The following GARRE1 variants were observed in gnomAD, a reference collection of about 807,000 sequenced individuals.
GARRE1 encodes the protein granule associated Rac and RHOG effector protein 1.
Under a neutral mutation model 103.2 loss-of-function variants are expected in GARRE1, and 49 were observed. The ratio of observed to expected loss-of-function variants is 0.47; its 90% CI spans 0.38 to 0.60. GARRE1 has a LOEUF of 0.60. Ranked by LOEUF, GARRE1 falls within the 20% of genes least tolerant of loss-of-function variation. The pLI, the probability that GARRE1 is intolerant of heterozygous loss-of-function variation, is 0.00. For missense variants in GARRE1, 1,199 were observed against 1,370.5 expected, an observed-to-expected ratio of 0.87 and a Z score of 1.98; for synonymous variants, 505 against 532.8, an observed-to-expected ratio of 0.95 and a Z score of 0.72.
intron 1 of GARRE1, among the ~76,000 whole-genome samples, chr19:34,291,152 C>T (rs979548246): frequency 1.2e-4 from 18 of 151,984 alleles, no homozygotes; most frequent in Non-Finnish European, 1.5e-5. Context: ...AGGTGATCCA[C>T]CCACCTCAGC....
intron 10 of GARRE1, among the ~76,000 whole-genome samples, chr19:34,344,569 C>A (rs1369993704): frequency 1.4e-5 from 2 of 140,476 alleles, no homozygotes; most frequent in Non-Finnish European, 3.1e-5. Flanking sequence ...CCAGCCTGGG[C>A]GACAGAGCGA....
intron 2 of GARRE1, among the ~76,000 whole-genome samples, chr19:34,307,399 C>T (rs1389814959): frequency 2.0e-5 from 3 of 151,932 alleles, no homozygotes; most frequent in Non-Finnish European, 2.9e-5. Context: ...CCAGGGCAGC[C>T]ATGGGGCTCC....
chr19:34,293,528 T>TG (rs2073929353), intron 1 of GARRE1, among the ~76,000 whole-genome samples: 1 of 151,678 alleles, frequency 6.6e-6, no homozygotes, highest in Non-Finnish European at 1.5e-5. Flanking sequence ...CCCGAGTAGC[T>TG]GGGACCACAG....
intron 3 of GARRE1, 140 bp from the exon 4 acceptor site, chr19:34,327,281 A>G (rs772865861): frequency 5.6e-5 from 42 of 755,164 alleles, no homozygotes; most frequent in Non-Finnish European, 8.3e-5. Context: ...CAAACAATCT[A>G]GAACTTCTAG....
chr19:34,291,440 T>C (rs1463206521), intron 1 of GARRE1, among the ~76,000 whole-genome samples: 1 of 152,218 alleles, frequency 6.6e-6, no homozygotes, highest in Non-Finnish European at 1.5e-5. Context: ...ATTAGTTTTA[T>C]TGAGATATAA....
chr19:34,314,331 AAC>A (rs1300116744), intron 2 of GARRE1, among the ~76,000 whole-genome samples: 2 of 152,212 alleles, frequency 1.3e-5, no homozygotes, highest in Non-Finnish European at 2.9e-5. Flanking sequence ...GCAAACTATA[AAC>A]ACACAATCTA....
At chr19:34,320,138 T>C in intron 3 of GARRE1, 22 bp downstream of exon 3, 1 of 1,604,680 alleles carries the variant, frequency 6.2e-7, no homozygotes, top group Non-Finnish European at 8.5e-7. Flanking sequence ...TTTGGGGAGA[T>C]TGGTGCCTGT....
At chr19:34,326,447 C>T (rs986215486) in intron 3 of GARRE1, among the ~76,000 whole-genome samples, 5 of 152,176 alleles carry the variant, frequency 3.3e-5, no homozygotes, top group African/African-American at 9.7e-5. Flanking sequence ...TCTTCTTGTC[C>T]TGATCCATGT....
In GARRE1 at chr19:34,328,220, G is replaced by T; in HGVS notation, c.1104+69G>T. Reference sequence around the variant, plus strand: ...ATAGAGTTCTTAAGAGAAATGTAAAGGCTTGCGAAGGATGTAGATTAAAAA... The same window carrying T: ...ATAGAGTTCTTAAGAGAAATGTAAATGCTTGCGAAGGATGTAGATTAAAAA... On this transcript the variant is annotated intron_variant, in intron 6 of 13. Transcript: ENST00000299505. 2.0e-6 allele frequency: 3 copies of T among 1,534,868 alleles called. No individual in the cohort carries two copies. In the South Asian group the frequency reaches 3.5e-5, roughly 18 times the overall value.
At chr19:34,291,243 C>G (rs1198836654) in intron 1 of GARRE1, among the ~76,000 whole-genome samples, 1 of 151,994 alleles carries the variant, frequency 6.6e-6, no homozygotes, top group East Asian at 1.9e-4. Flanking sequence ...AGTAGCAAAA[C>G]TGTAAGTCAA....
chr19:34,297,995 A>G (rs981431605), intron 1 of GARRE1, among the ~76,000 whole-genome samples: 1 of 152,208 alleles, frequency 6.6e-6, no homozygotes, highest in African/African-American at 2.4e-5. Context: ...TAGAAATACA[A>G]AGGAATTATG....
At chr19:34,317,457 A>G (rs537504970) in intron 2 of GARRE1, among the ~76,000 whole-genome samples, 2 of 152,258 alleles carry the variant, frequency 1.3e-5, no homozygotes, top group East Asian at 3.9e-4. Flanking sequence ...CATAGCTGCC[A>G]AGGTGCTGAG....
intron 2 of GARRE1, 32 bp from the exon 3 acceptor site, chr19:34,319,875 C>T (rs779735563): frequency 2.6e-5 from 42 of 1,601,150 alleles, no homozygotes; most frequent in African/African-American, 4.0e-5. Flanking sequence ...CAACCCACAA[C>T]CTAAACATCC....
chr19:34,306,547 T>A (rs1275899195), intron 2 of GARRE1, among the ~76,000 whole-genome samples: 2 of 152,192 alleles, frequency 1.3e-5, no homozygotes. Context: ...TACTCACCAG[T>A]GACTTTGCCC....
intron 1 of GARRE1, chr19:34,296,415 G>A: frequency 6.4e-7 from 1 of 1,573,736 alleles, no homozygotes; most frequent in East Asian, 2.2e-5. Flanking sequence ...GGCAGTGCGG[G>A]CACGAGCACA....
chr19:34,274,026 C>T (rs897081462), intron 1 of GARRE1, among the ~76,000 whole-genome samples: 1 of 151,920 alleles, frequency 6.6e-6, no homozygotes, highest in Non-Finnish European at 1.5e-5. Context: ...ACTCAGGAGG[C>T]GCCTCCATAA....
intron 1 of GARRE1, among the ~76,000 whole-genome samples, chr19:34,268,308 G>C (rs1020528282): frequency 1.3e-5 from 2 of 152,142 alleles, no homozygotes; most frequent in African/African-American, 4.8e-5. Flanking sequence ...TCATCCTTTG[G>C]TGATAGGTGG....
In GARRE1 at chr19:34,300,918, G is replaced by A. The variant is rs2073975696; in HGVS notation, c.445G>A (p.Gly149Arg). The A allele has an allele frequency of 6.2e-7, 1 of 1,606,576 alleles. No homozygotes were observed. ...IAKMLMELSA[G>R]AANFTDQKEF... ...CAAGATGCTAATGGAACTTAGTGCT[G>A]GGGCTGCAAATTTTACGGATCAGAA... Residue 149 changes from glycine to arginine, a missense_variant, in exon 2 of 14, where the codon GGG becomes AGG. By Grantham distance (125) the Gly-to-Arg change is moderately radical. Coordinates refer to ENST00000299505, the MANE Select transcript of GARRE1 (RefSeq NM_014686.5).
intron 8 of GARRE1, among the ~76,000 whole-genome samples, chr19:34,337,438 G>A (rs1447581811): frequency 6.6e-6 from 1 of 152,182 alleles, no homozygotes; most frequent in Non-Finnish European, 1.5e-5. Flanking sequence ...CTGGAAGAGG[G>A]TCTGAGGATG....
Sources: gnomAD v4.1 joint callset for allele counts (sites outside exome capture counted in the v4.1 genomes callset) on GRCh38, gnomAD v4.1.1 for gene constraint, MANE v1.5 for transcripts, NCBI Gene and HGNC (gene_info 2026-07-23, HGNC 2026-07-21) for gene names.